The following ADK variants were observed in gnomAD, a reference collection of about 807,000 sequenced individuals.
The protein encoded by ADK is adenosine kinase, also known as N6,N6-dimethyladenosine kinase.
A neutral mutation model predicts 44.7 loss-of-function variants in ADK; 24 were observed. That is an observed-to-expected ratio of 0.54 (90% CI 0.39 to 0.76). The LOEUF is 0.76. Among genes scored for constraint, ADK ranks in the 30% least tolerant of loss-of-function variants. The pLI, the probability that ADK is intolerant of heterozygous loss-of-function variation, is 0.00. For synonymous variants in ADK, 128 were observed against 142.6 expected (o/e 0.90, Z 0.73); for missense variants, 321 against 425.1 (o/e 0.76, Z 2.15).
intron 6 of ADK, among the ~76,000 whole-genome samples, chr10:74,480,226 C>CTT (rs1554865928): frequency 3.0e-5 from 4 of 133,120 alleles, no homozygotes; most frequent in Admixed American, 1.5e-4. Flanking sequence ...TTCTTTCTTT[C>CTT]TTTTTTTTTT....
At chr10:74,218,547 A>G (rs1306364191) in intron 2 of ADK, among the ~76,000 whole-genome samples, 4 of 152,210 alleles carry the variant, frequency 2.6e-5, no homozygotes, top group African/African-American at 9.7e-5. Flanking sequence ...GAGAAGACCA[A>G]CACCAAGACA....
chr10:74,529,089 A>G (rs1277999234), intron 7 of ADK, among the ~76,000 whole-genome samples: 2 of 152,218 alleles, frequency 1.3e-5, no homozygotes, highest in Admixed American at 6.5e-5. Flanking sequence ...ATTATTCACA[A>G]TAGCTAAGAT....
chr10:74,429,272 T>C (rs569938892), intron 6 of ADK, among the ~76,000 whole-genome samples: 1 of 152,340 alleles, frequency 6.6e-6, no homozygotes, highest in Admixed American at 6.5e-5. Context: ...GATTTTGTGC[T>C]AATTATGAAA....
At chr10:74,623,790 T>C (rs1853085744) in intron 9 of ADK, among the ~76,000 whole-genome samples, 1 of 151,964 alleles carries the variant, frequency 6.6e-6, no homozygotes, top group Admixed American at 6.6e-5. Context: ...GGTTTATAAC[T>C]CTAATCAATT....
intron 9 of ADK, among the ~76,000 whole-genome samples, chr10:74,612,456 C>T (rs542869148): frequency 1.3e-5 from 2 of 152,128 alleles, no homozygotes; most frequent in African/African-American, 4.8e-5. Flanking sequence ...GTTCATGTCC[C>T]TTGCCTACTT....
At chr10:74,683,545 G>C (rs1855691726) in intron 10 of ADK, among the ~76,000 whole-genome samples, 1 of 152,158 alleles carries the variant, frequency 6.6e-6, no homozygotes, top group Non-Finnish European at 1.5e-5. Context: ...AACTTGGATA[G>C]GGCCATTTTG....
At chr10:74,664,744 G>A (rs1854885265) in intron 9 of ADK, among the ~76,000 whole-genome samples, 1 of 152,176 alleles carries the variant, frequency 6.6e-6, no homozygotes, top group South Asian at 2.1e-4. Flanking sequence ...TCAGGAGGCT[G>A]AGGAAGGATA....
intron 10 of ADK, among the ~76,000 whole-genome samples, chr10:74,681,400 A>G (rs750474674): frequency 1.3e-5 from 2 of 152,228 alleles, no homozygotes; most frequent in East Asian, 1.9e-4. Flanking sequence ...ACCATGACCT[A>G]TTCAAAAGCC....
chr10:74,508,850 A>G (rs1848185280), intron 6 of ADK, among the ~76,000 whole-genome samples: 1 of 152,178 alleles, frequency 6.6e-6, no homozygotes, highest in Non-Finnish European at 1.5e-5. Context: ...ATATGTGTTT[A>G]AATTATACAT....
intron 4 of ADK, among the ~76,000 whole-genome samples, chr10:74,361,000 C>G (rs1250826846): frequency 6.6e-6 from 1 of 151,708 alleles, no homozygotes; most frequent in Non-Finnish European, 1.5e-5. Context: ...CTCCAACTCC[C>G]TGGTTCAAGC....
At chr10:74,394,097 C>G (rs372924186) in intron 4 of ADK, 44 bp from the exon 5 acceptor site, 6 of 1,589,272 alleles carry the variant, frequency 3.8e-6, no homozygotes, top group African/African-American at 2.7e-5. Flanking sequence ...ACTATGTGTA[C>G]CATTTTTTTG....
At chr10:74,666,769 A>T (rs1404227603) in intron 9 of ADK, among the ~76,000 whole-genome samples, 1 of 151,870 alleles carries the variant, frequency 6.6e-6, no homozygotes, top group Non-Finnish European at 1.5e-5. Flanking sequence ...GTGTTCATAT[A>T]ATAAATTTCC....
At chr10:74,254,176 C>T (rs1021346026) in intron 3 of ADK, among the ~76,000 whole-genome samples, 1 of 152,130 alleles carries the variant, frequency 6.6e-6, no homozygotes, top group Non-Finnish European at 1.5e-5. Context: ...TCAAGAAATG[C>T]AGCCAGAAAT....
intron 4 of ADK, among the ~76,000 whole-genome samples, chr10:74,384,937 G>A (rs1431939270): frequency 1.3e-5 from 2 of 152,172 alleles, no homozygotes; most frequent in African/African-American, 2.4e-5. Context: ...TTTAGGAAGA[G>A]CACTCAAAAT....
At chr10:74,286,205 A>G (rs550167292) in intron 3 of ADK, among the ~76,000 whole-genome samples, 7 of 152,124 alleles carry the variant, frequency 4.6e-5, no homozygotes, top group African/African-American at 1.7e-4. Flanking sequence ...AGTGTGTGCC[A>G]CCACACCTGG....
At chr10:74,236,884 T>G (rs1844983586) in intron 3 of ADK, among the ~76,000 whole-genome samples, 1 of 152,216 alleles carries the variant, frequency 6.6e-6, no homozygotes, top group Non-Finnish European at 1.5e-5. Context: ...AAATGTATAT[T>G]CCTTAATCCA....
chr10:74,501,304 T>A (rs543998528), intron 6 of ADK, among the ~76,000 whole-genome samples: 1 of 152,204 alleles, frequency 6.6e-6, no homozygotes, highest in Non-Finnish European at 1.5e-5. Flanking sequence ...TACTTCAAGA[T>A]CACTTGTATT....
At chr10:74,250,036 C>T (rs1845588367) in intron 3 of ADK, among the ~76,000 whole-genome samples, 2 of 151,996 alleles carry the variant, frequency 1.3e-5, no homozygotes, top group Admixed American at 1.3e-4. Context: ...ACTTATTGCG[C>T]CACTCTCTCC....
intron 6 of ADK, among the ~76,000 whole-genome samples, chr10:74,478,771 C>T (rs1304332688): frequency 1.3e-5 from 2 of 152,190 alleles, no homozygotes; most frequent in African/African-American, 4.8e-5. Context: ...ATAGCTAATA[C>T]ACATTTATTG....
Sources: gnomAD v4.1 joint callset for allele counts (sites outside exome capture counted in the v4.1 genomes callset) on GRCh38, gnomAD v4.1.1 for gene constraint, MANE v1.5 for transcripts, NCBI Gene and HGNC (gene_info 2026-07-23, HGNC 2026-07-21) for gene names.